GALNT14: variants seen among roughly 807,000 people sequenced by gnomAD.
GALNT14 encodes polypeptide N-acetylgalactosaminyltransferase 14.
Under a neutral mutation model 77.5 loss-of-function variants are expected in GALNT14, and 60 were observed. The ratio of observed to expected loss-of-function variants is 0.77; its 90% CI spans 0.63 to 0.96. The LOEUF is 0.96. Among genes scored for constraint, GALNT14 ranks in the 40% least tolerant of loss-of-function variants. The pLI is 0.00. For synonymous variants in GALNT14, 280 were observed against 281.7 expected (o/e 0.99, Z 0.06); for missense variants, 710 against 731.0 (o/e 0.97, Z 0.33).
At chr2:31,027,397 A>G (rs1672130478) in intron 1 of GALNT14, among the ~76,000 whole-genome samples, 1 of 151,486 alleles carries the variant, frequency 6.6e-6, no homozygotes, top group South Asian at 2.1e-4. Context: ...AGCCTAGGCA[A>G]CAAGAGCAAA....
chr2:31,040,905 G>T (rs1422673440), intron 1 of GALNT14, among the ~76,000 whole-genome samples: 1 of 152,156 alleles, frequency 6.6e-6, no homozygotes, highest in African/African-American at 2.4e-5. Context: ...CAAACCCGAC[G>T]CCAGAATGCC....
intron 6 of GALNT14, among the ~76,000 whole-genome samples, chr2:30,950,795 A>C (rs1379458008): frequency 6.6e-6 from 1 of 152,256 alleles, no homozygotes; most frequent in Non-Finnish European, 1.5e-5. Context: ...GGCAGCAGGC[A>C]GACATTGCTC....
the GALNT14 span, among the ~76,000 whole-genome samples, chr2:30,904,598 T>A: frequency 6.6e-6 from 1 of 152,204 alleles, no homozygotes; most frequent in African/African-American, 2.4e-5. Flanking sequence ...CACAGCAGTC[T>A]GAGATCAAAC....
rs533575908 is a variant in GALNT14 at position 31,106,839 on chromosome 2, G to T, written c.129+31119C>A. ...TCTTTTTTATTACTTATTGTTGTAT[G>T]AGATGGGCTTTCTTGGATCATTTCT... On this transcript the variant is annotated intron_variant, in intron 1 of 14. Coordinates refer to ENST00000349752, the MANE Select transcript of GALNT14 (RefSeq NM_024572.4). Among the ~76,000 whole-genome samples the T allele has an allele frequency of 7.2e-5, 11 of 152,232 alleles. 1 individual carries two copies. In the South Asian group the frequency reaches 2.3e-3, roughly 32 times the overall value.
At chr2:31,029,338 G>A (rs1414442442) in intron 1 of GALNT14, among the ~76,000 whole-genome samples, 2 of 152,120 alleles carry the variant, frequency 1.3e-5, no homozygotes, top group Non-Finnish European at 2.9e-5. Flanking sequence ...CAGAGGCCAC[G>A]TCATGACGTC....
At chr2:31,031,798 C>T (rs1035607932) in intron 1 of GALNT14, among the ~76,000 whole-genome samples, 10 of 152,178 alleles carry the variant, frequency 6.6e-5, no homozygotes, top group African/African-American at 2.2e-4. Context: ...CACATTCCAA[C>T]TTCCATGGAG....
At chr2:30,902,373 T>G in the GALNT14 span, among the ~76,000 whole-genome samples, 1 of 152,174 alleles carries the variant, frequency 6.6e-6, no homozygotes, top group Admixed American at 6.5e-5. Context: ...CATTTTCCAC[T>G]AAGGAGGCTT....
intron 1 of GALNT14, among the ~76,000 whole-genome samples, chr2:31,019,731 A>C (rs1288221527): frequency 1.3e-5 from 2 of 152,150 alleles, no homozygotes; most frequent in East Asian, 1.9e-4. Flanking sequence ...CCAGCTCTGC[A>C]CTCACTCACT....
At chr2:31,087,028 T>C (rs2148592200) in intron 1 of GALNT14, among the ~76,000 whole-genome samples, 2 of 152,302 alleles carry the variant, frequency 1.3e-5, no homozygotes, top group South Asian at 4.1e-4. Flanking sequence ...CATGGGGGAA[T>C]GTGGCCTTTT....
chr2:30,977,564 T>C (rs902944208), intron 2 of GALNT14, among the ~76,000 whole-genome samples: 1 of 152,174 alleles, frequency 6.6e-6, no homozygotes, highest in Non-Finnish European at 1.5e-5. Flanking sequence ...AGAAGCATCA[T>C]TCCCTCCTTT....
intron 1 of GALNT14, chr2:31,125,094 C>A: frequency 8.2e-7 from 1 of 1,214,028 alleles, no homozygotes; most frequent in Non-Finnish European, 1.2e-6. Flanking sequence ...GTACCCAGGG[C>A]CTGCTTGGGC....
At chr2:31,080,761 C>T (rs1427522868) in intron 1 of GALNT14, among the ~76,000 whole-genome samples, 1 of 152,132 alleles carries the variant, frequency 6.6e-6, no homozygotes, top group African/African-American at 2.4e-5. Context: ...TTCTATTAAA[C>T]CCTAATGTCA....
chr2:31,116,278 A>G (rs570551245), intron 1 of GALNT14, among the ~76,000 whole-genome samples: 1 of 152,270 alleles, frequency 6.6e-6, no homozygotes, highest in Admixed American at 6.5e-5. Flanking sequence ...TAAATAGTAT[A>G]TATTCAATTA....
At chr2:30,989,583 A>ATATATATATATATATAAAT (rs56703340) in intron 2 of GALNT14, among the ~76,000 whole-genome samples, 90 of 91,836 alleles carry the variant, frequency 9.8e-4, no homozygotes, top group Middle Eastern at 5.7e-3. Flanking sequence ...TATATATATA[A>ATATATATATATATATAAAT]AAATATATAT....
At chr2:31,031,316 A>C (rs559355469) in intron 1 of GALNT14, among the ~76,000 whole-genome samples, 1 of 152,260 alleles carries the variant, frequency 6.6e-6, no homozygotes, top group Non-Finnish European at 1.5e-5. Flanking sequence ...CAAGCAGGTG[A>C]CAGGGGAACT....
At chr2:31,094,319 C>A (rs997898855) in intron 1 of GALNT14, among the ~76,000 whole-genome samples, 2 of 152,202 alleles carry the variant, frequency 1.3e-5, no homozygotes, top group Non-Finnish European at 2.9e-5. Flanking sequence ...ATCCCAAAAC[C>A]TATAAGAACT....
At chr2:30,921,950 G>C (rs1158370177) in intron 13 of GALNT14, among the ~76,000 whole-genome samples, 2 of 152,314 alleles carry the variant, frequency 1.3e-5, no homozygotes, top group African/African-American at 4.8e-5. Context: ...CAAGAGTGCT[G>C]AGATTAAGGA....
chr2:30,891,076 T>C, the GALNT14 span, among the ~76,000 whole-genome samples: 1 of 152,152 alleles, frequency 6.6e-6, no homozygotes, highest in African/African-American at 2.4e-5. Context: ...GATCAGCCCA[T>C]GTTCAAGTGG....
At chr2:30,936,237 C>T (rs1179285403) in intron 9 of GALNT14, among the ~76,000 whole-genome samples, 1 of 152,066 alleles carries the variant, frequency 6.6e-6, no homozygotes, top group Middle Eastern at 3.2e-3. Context: ...ACCACCCCTC[C>T]CAGGGTCCTA....
Sources: allele counts gnomAD v4.1 joint callset (sites outside exome capture counted in the v4.1 genomes callset), GRCh38; gene constraint gnomAD v4.1.1; transcripts MANE v1.5; gene names NCBI Gene and HGNC (gene_info 2026-07-23, HGNC 2026-07-21).